The following ZNF577 variants were observed in gnomAD, a reference collection of about 807,000 sequenced individuals.
The protein encoded by ZNF577 is zinc finger protein 577.
ZNF577 carries 14 observed loss-of-function variants against 13.9 expected under a neutral mutation model. The observed-to-expected ratio is 1.00, with a 90% CI of 0.66 to 1.57. The LOEUF is 1.57. Among genes scored for constraint, ZNF577 ranks in the 40% most tolerant of loss-of-function variants. The pLI is 0.00. For missense variants in ZNF577, 555 were observed against 579.2 expected, an observed-to-expected ratio of 0.96 and a Z score of 0.43; for synonymous variants, 203 against 202.9, an observed-to-expected ratio of 1.00 and a Z score of 0.00.
downstream of ZNF577, chr19:51,862,644 T>A (rs1482089144): frequency 6.6e-6 from 1 of 152,330 alleles, no homozygotes; most frequent in African/African-American, 2.4e-5. Context: ...ATTTACTGCA[T>A]CCATAGAATT....
chr19:51,824,364 T>G lies in ZNF577; in HGVS notation c.*600-12690A>C. The G allele has an allele frequency of 6.2e-7, 1 of 1,614,168 alleles. No individual in the cohort carries two copies. Among genetic ancestry groups the G allele is most frequent in the Non-Finnish European group, 8.5e-7 (1 of 1,180,012 alleles). On this transcript the variant is annotated intron_variant and NMD_transcript_variant, in intron 9 of 10. Transcript: ENST00000638827. This position sits in a 1 kb window ranked among gnomAD's most constrained non-coding sequence, Gnocchi z 4.7. ...GGCCAAGGTCTTTCTGATCCTCCACTTCATTATTGGCTTCAGCGTGCCTAT... is the reference window on the plus strand; with the variant it reads ...GGCCAAGGTCTTTCTGATCCTCCACGTCATTATTGGCTTCAGCGTGCCTAT...
At chr19:51,883,293 A>T (rs937988465) in intron 1 of ZNF577, among the ~76,000 whole-genome samples, 6 of 146,828 alleles carry the variant, frequency 4.1e-5, no homozygotes, top group East Asian at 2.0e-4. Context: ...GCCTGGCCAA[A>T]TTTTTTTTTT....
chr19:51,854,563 G>A (rs1272669681), intron 5 of ZNF577, among the ~76,000 whole-genome samples: 2 of 146,484 alleles, frequency 1.4e-5, no homozygotes, highest in African/African-American at 5.2e-5. Context: ...TGAACTCCTG[G>A]ACTCAAGCAA....
chr19:51,841,506 AT>A lies in ZNF577; in HGVS notation c.*374+1314del, dbSNP rs553915212. Among the ~76,000 whole-genome samples, 4 of 151,972 alleles carry A rather than the reference AT, an allele frequency of 2.6e-5. No individual in the cohort carries two copies. The East Asian group carries it at 7.7e-4, about 29-fold the overall frequency. The stretch of plus-strand genomic sequence containing the variant: ...GTTGTGGGGATCTCTATTTTATTTT[AT>A]TTTTTCCGTTTTTCTAGTTTTTCTA... On this transcript the variant is annotated intron_variant and NMD_transcript_variant, in intron 8 of 10. Coordinates refer to the ZNF577 transcript ENST00000638827.
intron 5 of ZNF577, 43 bp downstream of exon 5, chr19:51,877,239 T>G: frequency 6.5e-7 from 1 of 1,547,552 alleles, no homozygotes; most frequent in Non-Finnish European, 8.9e-7. Flanking sequence ...AGCTGGGATT[T>G]GCATGCCATT....
Position 51,872,997 on chromosome 19 carries a change from A to G in ZNF577, c.993T>C (p.Cys331=), listed in dbSNP as rs1212569662. The change falls in exon 6 of 6, where the codon TGT becomes TGC. Residue 331 remains cysteine, a synonymous_variant. Coordinates refer to ENST00000638348, the MANE Select transcript of ZNF577 (RefSeq NM_001370449.1). ...TGEKPYECSE[C]EKAFRSKSKL... is the part of the protein sequence containing the mutation. Reference sequence around the variant, plus strand: ...TCGACTTGCTTCTAAAGGCTTTTTCACACTCACTACATTCATAAGGTTTCT... The same window carrying G: ...TCGACTTGCTTCTAAAGGCTTTTTCGCACTCACTACATTCATAAGGTTTCT... The G allele has an allele frequency of 6.2e-7, 1 of 1,614,154 alleles. No homozygotes were observed. Among genetic ancestry groups the G allele is most frequent in the South Asian group, 1.1e-5 (1 of 91,084 alleles).
At chr19:51,838,190 C>T (rs2084298196) in intron 9 of ZNF577, among the ~76,000 whole-genome samples, 1 of 152,142 alleles carries the variant, frequency 6.6e-6, no homozygotes, top group Non-Finnish European at 1.5e-5. Context: ...ATTTATAAAA[C>T]TTAAAAATCT....
chr19:51,822,865 C>CT lies in ZNF577; in HGVS notation c.*600-11192dup, dbSNP rs202035775. Among the ~76,000 whole-genome samples the CT allele has an allele frequency of 9.2e-3, 1,393 of 151,048 alleles. 25 individuals are homozygous for CT. Among genetic ancestry groups the CT allele is most frequent in the African/African-American group, 0.032 (1,316 of 41,118 alleles). ...CTATAGGATGTAATATATTTCTGCT[C>CT]TTTTTTTTTGTGGGGGGAAATGGAA... On this transcript the variant is annotated intron_variant and NMD_transcript_variant, in intron 9 of 10. Transcript: ENST00000638827.
In ZNF577 at chr19:51,853,248, A is replaced by G. The variant is rs538472818; in HGVS notation, c.284-8317T>C. ...CAGGTGATGGGCCCTGACCCCAAAGACAGTTTTCTTACTTCCTACTCCTTA... is the reference window on the plus strand; with the variant it reads ...CAGGTGATGGGCCCTGACCCCAAAGGCAGTTTTCTTACTTCCTACTCCTTA... On this transcript the variant is annotated intron_variant and NMD_transcript_variant, in intron 5 of 10. Coordinates refer to the ZNF577 transcript ENST00000638827. Among the ~76,000 whole-genome samples, 100 of 152,206 alleles carry G rather than the reference A, an allele frequency of 6.6e-4. 1 individual carries two copies. Among genetic ancestry groups the G allele is most frequent in the African/African-American group, 2.4e-3 (98 of 41,526 alleles).
At chr19:51,879,871 G>A (rs1288783064) in intron 3 of ZNF577, among the ~76,000 whole-genome samples, 1 of 152,144 alleles carries the variant, frequency 6.6e-6, no homozygotes, top group Non-Finnish European at 1.5e-5. Context: ...AAAACAAGCC[G>A]AACTGGTGCT....
chr19:51,838,329 T>C (rs1236030658), intron 9 of ZNF577, among the ~76,000 whole-genome samples: 4 of 149,930 alleles, frequency 2.7e-5, no homozygotes, highest in Non-Finnish European at 5.9e-5. Flanking sequence ...AAATACACGA[T>C]TGATGCAAAG....
chr19:51,844,559 T>G (rs940952512), intron 6 of ZNF577, among the ~76,000 whole-genome samples: 2 of 152,250 alleles, frequency 1.3e-5, no homozygotes, highest in Non-Finnish European at 2.9e-5. Context: ...GGCAATTGTC[T>G]AATTATTAGC....
exon 11 of ZNF577, chr19:51,804,851 T>C (rs922481591): frequency 1.3e-5 from 2 of 152,142 alleles, no homozygotes; most frequent in African/African-American, 4.8e-5. Flanking sequence ...TTGCCTCTAG[T>C]GGACAAGGCC....
chr19:51,878,915 C>CA (rs1426530200), intron 3 of ZNF577: 1 of 158,766 alleles, frequency 6.3e-6, no homozygotes. Flanking sequence ...CTCTTAAATG[C>CA]AAAAAATTAA....
intron 5 of ZNF577, among the ~76,000 whole-genome samples, chr19:51,854,358 C>CA (rs1386474152): frequency 6.6e-6 from 1 of 151,630 alleles, no homozygotes; most frequent in Non-Finnish European, 1.5e-5. Context: ...GACAGGATCT[C>CA]ACTCTTGTCA....
chr19:51,885,658 C>A (rs2084934324), intron 1 of ZNF577, among the ~76,000 whole-genome samples: 1 of 152,034 alleles, frequency 6.6e-6, no homozygotes, highest in African/African-American at 2.4e-5. Flanking sequence ...ATTACAGACA[C>A]CCGCTACCAC....
Sources: gnomAD v4.1 joint callset for allele counts (sites outside exome capture counted in the v4.1 genomes callset) on GRCh38, gnomAD v4.1.1 for gene constraint, Gnocchi (gnomAD v3.1) non-coding constraint, MANE v1.5 for transcripts, NCBI Gene and HGNC (gene_info 2026-07-23, HGNC 2026-07-21) for gene names.